CCT4: variants seen among roughly 807,000 people sequenced by gnomAD.
CCT4 encodes T-complex protein 1 subunit delta.
A neutral mutation model predicts 62.5 loss-of-function variants in CCT4; 17 were observed. That is an observed-to-expected ratio of 0.27 (90% CI 0.19 to 0.41). CCT4 has a LOEUF of 0.41. CCT4 is among the 10% of genes least tolerant of loss of function. CCT4 has a pLI of 1.00. For synonymous variants in CCT4, 250 were observed against 229.9 expected (o/e 1.09, Z -0.79); for missense variants, 592 against 659.2 (o/e 0.90, Z 1.12).
intron 3 of CCT4, among the ~76,000 whole-genome samples, chr2:61,881,623 T>G (rs564676004): frequency 1.3e-5 from 2 of 152,320 alleles, no homozygotes; most frequent in South Asian, 4.1e-4. Flanking sequence ...TTAATATTTG[T>G]ATACAGTATG....
intron 2 of CCT4, among the ~76,000 whole-genome samples, chr2:61,884,756 G>A (rs1226491677): frequency 6.6e-6 from 1 of 151,900 alleles, no homozygotes; most frequent in Admixed American, 6.6e-5. Context: ...AGCCTCTCCA[G>A]GAGCTAGGAT....
At chr2:61,878,674 T>C (rs942395221) in intron 5 of CCT4, among the ~76,000 whole-genome samples, 195 bp downstream of exon 5, 1 of 152,214 alleles carries the variant, frequency 6.6e-6, no homozygotes, top group African/African-American at 2.4e-5. Context: ...ATATAGTATA[T>C]ATTAAATATC....
chr2:61,873,330 T>A, intron 8 of CCT4, 37 bp from the exon 9 acceptor site: 1 of 1,153,856 alleles, frequency 8.7e-7, no homozygotes, highest in Admixed American at 2.1e-5. Context: ...CAATGCTAGA[T>A]TAAAAAAATT....
At position 61,879,436 on chromosome 2, in the gene CCT4, TG is replaced by T. The variant is rs1335810189; in HGVS notation, c.380-426del. 2.9e-5 allele frequency among the ~76,000 whole-genome samples: 4 copies of T among 139,142 alleles called. No individual in the cohort carries two copies. The East Asian group carries it at 9.2e-4, about 32-fold the overall frequency. 91.3% of individuals were successfully genotyped at this position (139,142 alleles called of 152,430 possible). On this transcript the variant is annotated intron_variant, in intron 4 of 13. Transcript: ENST00000394440. ...GCCACCACACCCGGCTAATTTTTTTTGTATTTTTTTTTTTTTTTTTTGGTGG... is the reference window on the plus strand; with the variant it reads ...GCCACCACACCCGGCTAATTTTTTTTTATTTTTTTTTTTTTTTTTTGGTGG...
chr2:61,878,348 C>T (rs1669043461), intron 5 of CCT4, among the ~76,000 whole-genome samples: 1 of 152,172 alleles, frequency 6.6e-6, no homozygotes, highest in South Asian at 2.1e-4. Context: ...GGATGGACCA[C>T]GATGGGCAGC....
chr2:61,879,167 CCTG>C (rs763612545), intron 4 of CCT4, among the ~76,000 whole-genome samples, 156 bp from the exon 5 acceptor site: 1 of 151,894 alleles, frequency 6.6e-6, no homozygotes, highest in Non-Finnish European at 1.5e-5. Flanking sequence ...GCTTGAATAA[CCTG>C]CTAACTATGG....
intron 7 of CCT4, 148 bp from the exon 8 acceptor site, chr2:61,876,382 G>T: frequency 1.9e-6 from 1 of 520,082 alleles, no homozygotes; most frequent in Non-Finnish European, 3.3e-6. Flanking sequence ...AAAAGAGTCT[G>T]GATTAAGATA....
chr2:61,878,016 AGTT>A (rs1289746354), intron 5 of CCT4, among the ~76,000 whole-genome samples: 1 of 152,220 alleles, frequency 6.6e-6, no homozygotes, highest in African/African-American at 2.4e-5. Context: ...CAAACAGCGT[AGTT>A]AAGTGGTGAA....
chr2:61,884,241 G>C (rs907985477), intron 2 of CCT4, among the ~76,000 whole-genome samples: 1 of 152,178 alleles, frequency 6.6e-6, no homozygotes, highest in African/African-American at 2.4e-5. Flanking sequence ...ATGAATTATA[G>C]TTTAGTCCTG....
At chr2:61,877,594 A>G (rs1669028670) in intron 5 of CCT4, 80 bp from the exon 6 acceptor site, 5 of 1,113,792 alleles carry the variant, frequency 4.5e-6, no homozygotes, top group African/African-American at 1.6e-5. Context: ...GATACTTAAG[A>G]AAGACTCTTA....
chr2:61,879,917 A>G (rs551982930), intron 4 of CCT4, among the ~76,000 whole-genome samples: 52 of 151,910 alleles, frequency 3.4e-4, no homozygotes, highest in Non-Finnish European at 4.0e-4. Context: ...TTTAGTAAAG[A>G]CTGTGTTTCA....
chr2:61,874,137 G>C (rs1287049925), intron 8 of CCT4, among the ~76,000 whole-genome samples: 1 of 152,122 alleles, frequency 6.6e-6, no homozygotes, highest in African/African-American at 2.4e-5. Context: ...ATACTAGAAA[G>C]GTAGATATTA....
intron 1 of CCT4, 21 bp downstream of exon 1, chr2:61,888,360 G>A (rs1669308993): frequency 6.2e-7 from 1 of 1,606,402 alleles, no homozygotes; most frequent in Non-Finnish European, 8.5e-7. Flanking sequence ...GGCGCCGCGG[G>A]TCAGGCCATG....
intron 8 of CCT4, among the ~76,000 whole-genome samples, chr2:61,875,014 T>C (rs557764519): frequency 6.6e-6 from 1 of 152,172 alleles, no homozygotes; most frequent in East Asian, 1.9e-4. Flanking sequence ...TGGTGGCACA[T>C]GCCTGTAATC....
chr2:61,869,587 G>A (rs1317436396), intron 12 of CCT4, 34 bp from the exon 13 acceptor site: 1 of 1,226,170 alleles, frequency 8.2e-7, no homozygotes, highest in South Asian at 1.2e-5. Flanking sequence ...TGCTTTTAGT[G>A]TCTGTGATAA....
At chr2:61,877,299 G>T in intron 6 of CCT4, 94 bp downstream of exon 6, 1 of 1,252,134 alleles carries the variant, frequency 8.0e-7, no homozygotes. Flanking sequence ...AGAAAAGAGA[G>T]CTTTGTGACT....
chr2:61,884,428 C>A (rs1572926550), intron 2 of CCT4, among the ~76,000 whole-genome samples: 1 of 151,872 alleles, frequency 6.6e-6, no homozygotes, highest in East Asian at 1.9e-4. Context: ...CTCAGTCTCC[C>A]ACCTCCTGAG....
intron 3 of CCT4, among the ~76,000 whole-genome samples, chr2:61,882,311 C>T (rs1487924560): frequency 6.6e-6 from 1 of 152,078 alleles, no homozygotes; most frequent in African/African-American, 2.4e-5. Flanking sequence ...TCTCCTTATT[C>T]CTCGAGTGTA....
Position 61,888,591 on chromosome 2 carries a change from C to A in CCT4, c.-84G>T. The A allele has an allele frequency of 6.8e-7, 1 of 1,474,204 alleles. No individual in the cohort carries two copies. The highest frequency in any genetic ancestry group is 1.3e-5 in the South Asian group (1 of 79,070). The allele number at this position is 1,474,204 out of a possible 1,614,324, so 91.3% of individuals were successfully genotyped here. ...CGGCCGCAGTGTAATAACGGTAAGC[C>A]CTCACTGCCTTCACGAACCTTCCAG... On this transcript the variant is annotated 5_prime_UTR_variant, in exon 1 of 14. Transcript: ENST00000394440.
Sources: allele counts gnomAD v4.1 joint callset (sites outside exome capture counted in the v4.1 genomes callset), GRCh38; gene constraint gnomAD v4.1.1; transcripts MANE v1.5; gene names NCBI Gene and HGNC (gene_info 2026-07-23, HGNC 2026-07-21).